TMCO6: variants seen among roughly 807,000 people sequenced by gnomAD.
TMCO6 encodes transmembrane and coiled-coil domains 6.
TMCO6 carries 47 observed loss-of-function variants against 61.8 expected under a neutral mutation model. The ratio of observed to expected loss-of-function variants is 0.76; its 90% confidence interval spans 0.60 to 0.97. TMCO6 has a LOEUF of 0.97. TMCO6 is among the 50% of genes least tolerant of loss of function. The pLI, the probability that TMCO6 is intolerant of heterozygous loss-of-function variation, is 0.00. For missense variants in TMCO6, 557 were observed against 601.6 expected, an observed-to-expected ratio of 0.93 and a Z score of 0.78; for synonymous variants, 261 against 254.2, an observed-to-expected ratio of 1.03 and a Z score of -0.25.
chr5:140,644,562 T>C lies in TMCO6; in HGVS notation c.1201-11T>C. The C allele has an allele frequency of 6.2e-7, 1 of 1,613,664 alleles. No individual in the cohort carries two copies. Among genetic ancestry groups the C allele is most frequent in the Non-Finnish European group, 8.5e-7 (1 of 1,179,818 alleles). On this transcript the variant is annotated splice_polypyrimidine_tract_variant and intron_variant, in intron 10 of 11. Coordinates refer to ENST00000394671, the MANE Select transcript of TMCO6 (RefSeq NM_018502.5). The stretch of plus-strand genomic sequence containing the variant: ...TCATTCTTTGTAGACTATATATGTG[T>C]CTATCTGCAGGTGCTCACAGTTCTG...
chr5:140,627,340 CAT>C, the TMCO6 span, among the ~76,000 whole-genome samples: 1 of 152,156 alleles, frequency 6.6e-6, no homozygotes, highest in African/African-American at 2.4e-5. Context: ...GCTAACTCCA[CAT>C]GTCTCTAGGC....
the TMCO6 span, among the ~76,000 whole-genome samples, chr5:140,602,973 G>A: frequency 1.3e-5 from 2 of 152,028 alleles, no homozygotes; most frequent in Non-Finnish European, 2.9e-5. Flanking sequence ...GCCAGGGTGA[G>A]CCGAGATAGT....
chr5:140,612,489 G>A, the TMCO6 span, among the ~76,000 whole-genome samples: 10 of 152,038 alleles, frequency 6.6e-5, no homozygotes, highest in African/African-American at 9.7e-5. Flanking sequence ...ATAGGCGCCC[G>A]CCACGGCGCC....
rs976353944 is a variant in TMCO6 at position 140,641,720 on chromosome 5, G to T, written c.254G>T (p.Gly85Val). 12 of 1,614,162 alleles carry T rather than the reference G, an allele frequency of 7.4e-6. No individual in the cohort carries two copies. The highest frequency in any genetic ancestry group is 7.6e-6 in the Non-Finnish European group (9 of 1,180,020). ...QRGTEEKEREGALVSLRRGLQ... is the reference protein window; with the variant it reads ...QRGTEEKEREVALVSLRRGLQ... The stretch of plus-strand genomic sequence containing the variant: ...GGGACAGAGGAAAAGGAGAGAGAGG[G>T]GGCTCTGGTCAGCCTTCGTCGAGGC... The change falls in exon 3 of 12, where the codon GGG (glycine) becomes GTG (valine). Residue 85 changes from glycine (G) to valine (V), a missense_variant. Physicochemically the swap from Gly to Val is moderately radical, Grantham distance 109 (BLOSUM62 -3). Transcript: ENST00000394671.
At chr5:140,632,007 A>G in the TMCO6 span, 1 of 1,614,110 alleles carries the variant, frequency 6.2e-7, no homozygotes, top group East Asian at 2.2e-5. This position sits in a 1 kb window ranked among gnomAD's most constrained non-coding sequence, Gnocchi z 6.2. Context: ...ATTCCCGTCC[A>G]GTGTCAGGTT....
the TMCO6 span, among the ~76,000 whole-genome samples, chr5:140,623,865 G>A: frequency 6.6e-6 from 1 of 152,088 alleles, no homozygotes; most frequent in African/African-American, 2.4e-5. Flanking sequence ...ATAGGCATGA[G>A]CCACCTTGCC....
At chr5:140,613,918 A>T in the TMCO6 span, among the ~76,000 whole-genome samples, 1 of 148,690 alleles carries the variant, frequency 6.7e-6, no homozygotes, top group East Asian at 2.0e-4. Context: ...TGTTGTTTTG[A>T]GAAGGAGTCT....
the TMCO6 span, among the ~76,000 whole-genome samples, chr5:140,611,615 T>C: frequency 6.6e-6 from 1 of 152,206 alleles, no homozygotes; most frequent in Non-Finnish European, 1.5e-5. Flanking sequence ...AAAACCATCA[T>C]TGCACTCCTG....
intron 8 of TMCO6, 43 bp downstream of exon 8, chr5:140,643,718 A>G (rs368540779): frequency 1.6e-5 from 26 of 1,605,028 alleles, no homozygotes; most frequent in East Asian, 2.2e-5. Context: ...ATGTTTCTTG[A>G]TACTCTGGAA....
the TMCO6 span, among the ~76,000 whole-genome samples, chr5:140,616,590 A>G: frequency 6.6e-6 from 1 of 152,192 alleles, no homozygotes; most frequent in Non-Finnish European, 1.5e-5. Context: ...AATTTAAAAA[A>G]TAAATAAGAC....
chr5:140,644,501 G>A (rs1757267427), intron 10 of TMCO6, 72 bp from the exon 11 acceptor site: 1 of 1,561,042 alleles, frequency 6.4e-7, no homozygotes, highest in African/African-American at 1.4e-5. Flanking sequence ...TGGTCACCAT[G>A]TCATATATTT....
the TMCO6 span, among the ~76,000 whole-genome samples, chr5:140,601,467 G>A: frequency 6.6e-6 from 1 of 152,188 alleles, no homozygotes; most frequent in African/African-American, 2.4e-5. Flanking sequence ...CTTCATGTTG[G>A]GACAACAGCA....
chr5:140,607,267 A>G, the TMCO6 span, among the ~76,000 whole-genome samples: 1 of 152,192 alleles, frequency 6.6e-6, no homozygotes. Flanking sequence ...TATTATAGAT[A>G]CTCAGCATAA....
At chr5:140,628,290 G>T in the TMCO6 span, among the ~76,000 whole-genome samples, 11 of 152,168 alleles carry the variant, frequency 7.2e-5, no homozygotes, top group South Asian at 2.1e-4. Flanking sequence ...GTCTGTTTCT[G>T]TTCCCTGAAA....
At chr5:140,646,033 C>T (rs547578234), downstream of TMCO6, among the ~76,000 whole-genome samples, 359 of 136,702 alleles carry the variant, frequency 2.6e-3, 2 homozygotes, top group Middle Eastern at 0.016. Flanking sequence ...TTTTTTGAGA[C>T]GGAGTCTCGC....
chr5:140,610,430 C>A, the TMCO6 span, among the ~76,000 whole-genome samples: 3 of 152,058 alleles, frequency 2.0e-5, no homozygotes, highest in Admixed American at 2.0e-4. Context: ...AACTTCAGGG[C>A]TGAAGCACTT....
At chr5:140,647,325 C>A (rs913505571), downstream of TMCO6, 1 of 1,601,878 alleles carries the variant, frequency 6.2e-7, no homozygotes, top group African/African-American at 1.3e-5. Context: ...TCGGGATTCG[C>A]CTTCTTCAGC....
the TMCO6 span, among the ~76,000 whole-genome samples, chr5:140,613,948 G>C: frequency 6.6e-6 from 1 of 151,728 alleles, no homozygotes; most frequent in African/African-American, 2.4e-5. Flanking sequence ...GCCCAGGCTG[G>C]AGTGCAGTGG....
At chr5:140,647,070 C>T (rs759368986), downstream of TMCO6, 6 of 673,466 alleles carry the variant, frequency 8.9e-6, no homozygotes, top group Non-Finnish European at 1.4e-5. Flanking sequence ...ACTTATGTTG[C>T]CCGGAATACA....
Sources: allele counts gnomAD v4.1 joint callset (sites outside exome capture counted in the v4.1 genomes callset), GRCh38; gene constraint gnomAD v4.1.1; non-coding constraint Gnocchi (gnomAD v3.1); transcripts MANE v1.5; gene names NCBI Gene and HGNC (gene_info 2026-07-23, HGNC 2026-07-21).